PDE10A: variants seen among roughly 807,000 people sequenced by gnomAD.
The protein encoded by PDE10A is cAMP and cAMP-inhibited cGMP 3',5'-cyclic phosphodiesterase 10A.
PDE10A carries 39 observed loss-of-function variants against 97.7 expected under a neutral mutation model. The observed-to-expected ratio is 0.40, with a 90% CI of 0.31 to 0.52. The LOEUF (loss-of-function observed/expected upper bound fraction) is 0.52, where lower values mean the gene tolerates loss of function less well. Ranked by LOEUF, PDE10A falls within the 20% of genes least tolerant of loss-of-function variation. The pLI is 0.56. For synonymous variants in PDE10A, 371 were observed against 376.8 expected (o/e 0.98, Z 0.18); for missense variants, 731 against 1,047.8 (o/e 0.70, Z 4.17).
At chr6:165,409,525 T>G (rs1401330492) in intron 13 of PDE10A, 1 of 154,712 alleles carries the variant, frequency 6.5e-6, no homozygotes, top group East Asian at 1.9e-4. Context: ...ACAGCCTGGG[T>G]GACAAAGAGT....
intron 1 of PDE10A, among the ~76,000 whole-genome samples, chr6:165,964,960 G>A (rs192259089): frequency 3.5e-4 from 53 of 152,324 alleles, no homozygotes; most frequent in Non-Finnish European, 2.9e-5. Flanking sequence ...GGGGAGAGAG[G>A]CATCAAGCCT....
chr6:165,389,043 G>A (rs1164740237), intron 16 of PDE10A, among the ~76,000 whole-genome samples: 2 of 152,142 alleles, frequency 1.3e-5, no homozygotes, highest in Middle Eastern at 3.2e-3. Flanking sequence ...TAAGGAGAGC[G>A]GCAAGCGCAG....
intron 1 of PDE10A, among the ~76,000 whole-genome samples, chr6:165,575,358 A>T (rs1785250243): frequency 2.6e-5 from 4 of 152,206 alleles, no homozygotes; most frequent in Admixed American, 2.6e-4. Flanking sequence ...ATCCGGACAC[A>T]GCATGATCAC....
At chr6:165,463,794 C>T (rs185073675) in intron 3 of PDE10A, among the ~76,000 whole-genome samples, 20 of 152,314 alleles carry the variant, frequency 1.3e-4, no homozygotes, top group Admixed American at 3.3e-4. Context: ...GTGGGTTTAC[C>T]GGAATGAGGG....
At chr6:165,792,230 G>A (rs1161369684) in intron 1 of PDE10A, among the ~76,000 whole-genome samples, 1 of 152,186 alleles carries the variant, frequency 6.6e-6, no homozygotes, top group Non-Finnish European at 1.5e-5. Context: ...CTACCAACCA[G>A]GCCGGGTTTT....
intron 1 of PDE10A, among the ~76,000 whole-genome samples, chr6:165,689,312 G>A (rs1791206982): frequency 6.6e-6 from 1 of 152,198 alleles, no homozygotes; most frequent in Non-Finnish European, 1.5e-5. Flanking sequence ...TTTTGTGTGA[G>A]TGCTTTTTAT....
At chr6:165,383,516 G>A (rs184392301) in intron 17 of PDE10A, among the ~76,000 whole-genome samples, 150 of 152,126 alleles carry the variant, frequency 9.9e-4, no homozygotes, top group African/African-American at 3.3e-3. Flanking sequence ...TGCCCCACCG[G>A]ACACAGCTAC....
At chr6:165,797,943 G>A (rs2128464880) in intron 1 of PDE10A, among the ~76,000 whole-genome samples, 1 of 152,204 alleles carries the variant, frequency 6.6e-6, no homozygotes, top group East Asian at 1.9e-4. Flanking sequence ...TGAGAATATA[G>A]CAGATTAGAT....
At chr6:165,335,969 G>GA (rs1203546732) in intron 21 of PDE10A, among the ~76,000 whole-genome samples, 154 bp downstream of exon 21, 2 of 152,328 alleles carry the variant, frequency 1.3e-5, no homozygotes, top group East Asian at 3.9e-4. Flanking sequence ...TGGCCCTGGG[G>GA]AAGCCAGGTA....
At chr6:165,852,243 T>C (rs1780592018) in intron 1 of PDE10A, among the ~76,000 whole-genome samples, 2 of 152,198 alleles carry the variant, frequency 1.3e-5, no homozygotes, top group Admixed American at 1.3e-4. Flanking sequence ...TGAGGTTGGA[T>C]GGTTTGATGT....
chr6:165,895,800 T>C (rs2461722), intron 1 of PDE10A, among the ~76,000 whole-genome samples: 117,248 of 152,046 alleles, frequency 0.77, 45,427 homozygotes, highest in East Asian at 0.97. Context: ...GCATCCTCAG[T>C]ACTTTCATTC....
At chr6:165,937,707 G>A (rs1783381047) in intron 1 of PDE10A, among the ~76,000 whole-genome samples, 1 of 152,166 alleles carries the variant, frequency 6.6e-6, no homozygotes, top group African/African-American at 2.4e-5. Context: ...AACAGGCTGA[G>A]AAAGAGCTGT....
chr6:165,633,000 C>A (rs1345730210), intron 1 of PDE10A, among the ~76,000 whole-genome samples: 1 of 150,482 alleles, frequency 6.6e-6, no homozygotes, highest in Non-Finnish European at 1.5e-5. Context: ...TTCAGCAACT[C>A]AATATGCTGG....
intron 1 of PDE10A, among the ~76,000 whole-genome samples, chr6:165,658,130 T>A (rs899476419): frequency 2.6e-5 from 4 of 152,216 alleles, no homozygotes; most frequent in African/African-American, 4.8e-5. Context: ...AAACAGAAGT[T>A]AATGGCGAGT....
intron 18 of PDE10A, among the ~76,000 whole-genome samples, chr6:165,369,510 G>A (rs1223200342): frequency 4.1e-4 from 47 of 114,212 alleles, no homozygotes; most frequent in East Asian, 7.2e-4. Context: ...GAAATGAAGC[G>A]AGAAGGAAGT....
chr6:165,579,696 C>T (rs1213290192), intron 1 of PDE10A, among the ~76,000 whole-genome samples: 1 of 152,170 alleles, frequency 6.6e-6, no homozygotes, highest in East Asian at 1.9e-4. Flanking sequence ...GATCATGTTG[C>T]TGCTCTACTA....
At chr6:165,883,219 G>C (rs1194502743) in intron 1 of PDE10A, among the ~76,000 whole-genome samples, 1 of 152,004 alleles carries the variant, frequency 6.6e-6, no homozygotes, top group Non-Finnish European at 1.5e-5. Flanking sequence ...TTGGGCAATA[G>C]AGCAAGACTC....
chr6:165,348,804 G>A (rs963072108), intron 18 of PDE10A, among the ~76,000 whole-genome samples: 1 of 152,084 alleles, frequency 6.6e-6, no homozygotes, highest in African/African-American at 2.4e-5. Context: ...TTTGTGATAG[G>A]GATTCAGTTT....
Position 165,508,987 on chromosome 6 carries a change from T to C in PDE10A, c.995-26644A>G, listed in dbSNP as rs142265189. On this transcript the variant is annotated intron_variant, in intron 2 of 21. Transcript: ENST00000539869. ...GCGATGTGCTTCCCATCTTCACAGA[T>C]TGATTTTTTTCTGGGCATTTCATAT... 2.5e-3 allele frequency among the ~76,000 whole-genome samples: 378 copies of C among 152,080 alleles called. 3 individuals carry two copies. The highest frequency in any genetic ancestry group is 5.8e-3 in the Admixed American group (88 of 15,238).
Sources: allele counts gnomAD v4.1 joint callset (sites outside exome capture counted in the v4.1 genomes callset), GRCh38; gene constraint gnomAD v4.1.1; transcripts MANE v1.5; gene names NCBI Gene and HGNC (gene_info 2026-07-23, HGNC 2026-07-21).